SLC24A2: variants seen among roughly 807,000 people sequenced by gnomAD.
SLC24A2 encodes the protein solute carrier family 24 member 2, also known as sodium/potassium/calcium exchanger 2.
In SLC24A2, 36 loss-of-function variants were observed where a neutral mutation model predicts 62.0. The ratio of observed to expected loss-of-function variants is 0.58; its 90% CI spans 0.44 to 0.77. The LOEUF is 0.77. Among genes scored for constraint, SLC24A2 ranks in the 30% least tolerant of loss-of-function variants. The probability of loss-of-function intolerance (pLI) is 0.00; values close to 1 mark genes in which losing one functional copy is unlikely to be tolerated. For missense variants in SLC24A2, 846 were observed against 817.9 expected, an observed-to-expected ratio of 1.03 and a Z score of -0.42; for synonymous variants, 358 against 294.0, an observed-to-expected ratio of 1.22 and a Z score of -2.23.
In SLC24A2 at chr9:19,525,386, CTTTACTTTT is replaced by C. The variant is rs1209820360; in HGVS notation, c.1569+2654_1569+2662del. ...TCTGCAAGGTTTTTTTTTCCTATTT[CTTTACTTTT>C]TTTTTTTTTTTTTTTTTTTTTTTTA... On this transcript the variant is annotated intron_variant, in intron 9 of 10. Coordinates refer to ENST00000341998, the MANE Select transcript of SLC24A2 (RefSeq NM_020344.4). Among the ~76,000 whole-genome samples the C allele has an allele frequency of 2.1e-4, 10 of 47,200 alleles. 1 individual carries two copies. Among genetic ancestry groups the C allele is most frequent in the Non-Finnish European group, 3.4e-4 (8 of 23,706 alleles). The allele number at this position is 47,200 out of a possible 152,430, so 31.0% of individuals were successfully genotyped here. A position where few individuals can be genotyped will look rare whatever the true frequency, so the allele number is the denominator to read the frequency against.
At chr9:19,721,481 A>G (rs1161451981) in intron 2 of SLC24A2, among the ~76,000 whole-genome samples, 1 of 152,188 alleles carries the variant, frequency 6.6e-6, no homozygotes, top group African/African-American at 2.4e-5. Flanking sequence ...GTGTTCCAAT[A>G]TAACTAAACA....
the SLC24A2 span, among the ~76,000 whole-genome samples, chr9:20,104,535 G>A: frequency 6.6e-6 from 1 of 152,144 alleles, no homozygotes; most frequent in Non-Finnish European, 1.5e-5. Flanking sequence ...AGAGAGTGGG[G>A]GCCAATATTC....
chr9:19,938,411 T>G, the SLC24A2 span, among the ~76,000 whole-genome samples: 1 of 152,172 alleles, frequency 6.6e-6, no homozygotes, highest in Non-Finnish European at 1.5e-5. Flanking sequence ...GACAATAGTT[T>G]TAACTACCAT....
In SLC24A2 at chr9:19,563,829, C is replaced by T. The variant is rs1250541846; in HGVS notation, c.1347+9522G>A. On this transcript the variant is annotated intron_variant, in intron 7 of 10. Transcript: ENST00000341998. ...TCCTTCCTTCCTTCCTTCCTTCCTC[C>T]CTCCCTCCCTCCCTCCCTCCCTCCC... 5.8e-5 allele frequency among the ~76,000 whole-genome samples: 4 copies of T among 68,766 alleles called. 1 individual carries two copies. The Admixed American group carries it at 6.0e-4, about 10-fold the overall frequency. 45.1% of individuals were successfully genotyped at this position (68,766 alleles called of 152,430 possible).
the SLC24A2 span, among the ~76,000 whole-genome samples, chr9:20,167,594 G>T: frequency 1.3e-5 from 2 of 152,034 alleles, no homozygotes; most frequent in African/African-American, 2.4e-5. Context: ...CCCCAGTAAA[G>T]GATCAGTGTC....
intron 2 of SLC24A2, among the ~76,000 whole-genome samples, chr9:19,664,150 G>A (rs1819182003): frequency 6.6e-6 from 1 of 152,264 alleles, no homozygotes; most frequent in East Asian, 1.9e-4. Flanking sequence ...ATCTGAGTTT[G>A]GATTTTGGTT....
At chr9:20,026,405 A>G in the SLC24A2 span, among the ~76,000 whole-genome samples, 1 of 152,260 alleles carries the variant, frequency 6.6e-6, no homozygotes, top group Non-Finnish European at 1.5e-5. Context: ...AGCACTCTAT[A>G]AATTGGAGCT....
the SLC24A2 span, among the ~76,000 whole-genome samples, chr9:20,248,939 C>G: frequency 6.6e-6 from 1 of 152,326 alleles, no homozygotes; most frequent in East Asian, 1.9e-4. Flanking sequence ...GTCTCCCTTT[C>G]TCCCCCTGGA....
the SLC24A2 span, among the ~76,000 whole-genome samples, chr9:20,086,366 AT>A: frequency 6.6e-6 from 1 of 152,028 alleles, no homozygotes; most frequent in African/African-American, 2.4e-5. Flanking sequence ...GAGGCTCGAG[AT>A]TCATTGCATA....
chr9:20,179,147 G>C, the SLC24A2 span, among the ~76,000 whole-genome samples: 8 of 152,244 alleles, frequency 5.3e-5, no homozygotes, highest in Non-Finnish European at 1.0e-4. Flanking sequence ...GGGGCAGCTG[G>C]AAGAGAAGAC....
At chr9:19,741,344 TC>T (rs1223065894) in intron 2 of SLC24A2, among the ~76,000 whole-genome samples, 1 of 152,198 alleles carries the variant, frequency 6.6e-6, no homozygotes, top group Non-Finnish European at 1.5e-5. Flanking sequence ...GTTTGCTTCT[TC>T]CTTTTTACTT....
At chr9:19,838,863 T>C in the SLC24A2 span, among the ~76,000 whole-genome samples, 3 of 149,878 alleles carry the variant, frequency 2.0e-5, no homozygotes, top group Non-Finnish European at 3.0e-5. Flanking sequence ...CCAAAAGCAA[T>C]GGCAACAAAA....
At chr9:19,696,783 T>C (rs1404199454) in intron 2 of SLC24A2, among the ~76,000 whole-genome samples, 2 of 152,192 alleles carry the variant, frequency 1.3e-5, no homozygotes, top group Admixed American at 6.5e-5. Context: ...CTATTACATG[T>C]TTTAAAATAT....
the SLC24A2 span, among the ~76,000 whole-genome samples, chr9:19,876,844 T>G: frequency 6.6e-6 from 1 of 151,982 alleles, no homozygotes; most frequent in Non-Finnish European, 1.5e-5. Flanking sequence ...AAATATTGAG[T>G]CAATATTTTT....
At chr9:19,977,653 C>T in the SLC24A2 span, among the ~76,000 whole-genome samples, 1 of 152,138 alleles carries the variant, frequency 6.6e-6, no homozygotes, top group African/African-American at 2.4e-5. Flanking sequence ...ATATTTCCTG[C>T]TTCAGGGATT....
chr9:19,640,359 T>C (rs919476289), intron 2 of SLC24A2, among the ~76,000 whole-genome samples: 33 of 152,262 alleles, frequency 2.2e-4, no homozygotes, highest in African/African-American at 8.0e-4. Context: ...CCTTTCTCTC[T>C]GTACTGCTAT....
At chr9:19,586,813 A>T (rs954841190) in intron 5 of SLC24A2, among the ~76,000 whole-genome samples, 2 of 152,018 alleles carry the variant, frequency 1.3e-5, no homozygotes, top group Non-Finnish European at 2.9e-5. Context: ...GAACATTTCA[A>T]TCTCATATAT....
the SLC24A2 span, among the ~76,000 whole-genome samples, chr9:19,885,374 A>G: frequency 2.0e-5 from 3 of 152,346 alleles, no homozygotes; most frequent in African/African-American, 7.2e-5. Context: ...AGATGTTCAC[A>G]TGGAATCATG....
intron 2 of SLC24A2, among the ~76,000 whole-genome samples, chr9:19,708,491 C>T (rs1201119860): frequency 6.6e-6 from 1 of 152,204 alleles, no homozygotes; most frequent in Non-Finnish European, 1.5e-5. Context: ...CATCACGCTA[C>T]CTGACTTCAA....
Sources: allele counts gnomAD v4.1 joint callset (sites outside exome capture counted in the v4.1 genomes callset), GRCh38; gene constraint gnomAD v4.1.1; transcripts MANE v1.5; gene names NCBI Gene and HGNC (gene_info 2026-07-23, HGNC 2026-07-21).